The following GPR158 variants were observed in gnomAD, a reference collection of about 807,000 sequenced individuals.
GPR158 encodes the protein metabotropic glycine receptor.
A neutral mutation model predicts 78.2 loss-of-function variants in GPR158; 30 were observed. The observed-to-expected ratio is 0.38, with a 90% CI of 0.29 to 0.52. The LOEUF is 0.52. Among genes scored for constraint, GPR158 ranks in the 20% least tolerant of loss-of-function variants. The probability of loss-of-function intolerance (pLI) is 0.83; values close to 1 mark genes in which losing one functional copy is unlikely to be tolerated. For missense variants in GPR158, 1,463 were observed against 1,523.5 expected, an observed-to-expected ratio of 0.96 and a Z score of 0.66; for synonymous variants, 581 against 591.1, an observed-to-expected ratio of 0.98 and a Z score of 0.25.
chr10:25,586,885 G>A (rs909581053), intron 7 of GPR158, among the ~76,000 whole-genome samples: 3 of 152,172 alleles, frequency 2.0e-5, no homozygotes, highest in African/African-American at 4.8e-5. Flanking sequence ...CAGGGTTTCG[G>A]TCTAGGTCCT....
chr10:25,260,683 C>G (rs1403191532), intron 2 of GPR158, among the ~76,000 whole-genome samples: 1 of 152,010 alleles, frequency 6.6e-6, no homozygotes, highest in Admixed American at 6.6e-5. Context: ...CATCTCTAAT[C>G]TCACCTCCTA....
intron 2 of GPR158, among the ~76,000 whole-genome samples, chr10:25,350,607 G>A (rs186465683): frequency 1.3e-5 from 2 of 152,124 alleles, no homozygotes; most frequent in Non-Finnish European, 2.9e-5. Context: ...CAAGATAAGG[G>A]TATTGAAATT....
chr10:25,554,347 G>A (rs901706194), intron 6 of GPR158, among the ~76,000 whole-genome samples: 2 of 152,114 alleles, frequency 1.3e-5, no homozygotes, highest in South Asian at 2.1e-4. Flanking sequence ...GATAGGACAC[G>A]CAATAAAGAT....
intron 2 of GPR158, among the ~76,000 whole-genome samples, chr10:25,347,643 A>T (rs1855391326): frequency 6.6e-6 from 1 of 151,982 alleles, no homozygotes; most frequent in African/African-American, 2.4e-5. Context: ...ATTGGAAGAT[A>T]CTCTTTGTAG....
Position 25,599,870 on chromosome 10 carries a change from C to T in GPR158, c.*596C>T, listed in dbSNP as rs909328259. ...CAAATAACTTTGGTATTATGTGACACAACACATTTATGCAATCTGCAGCTA... is the reference window on the plus strand; with the variant it reads ...CAAATAACTTTGGTATTATGTGACATAACACATTTATGCAATCTGCAGCTA... On this transcript the variant is annotated 3_prime_UTR_variant, in exon 11 of 11. Transcript: ENST00000376351. The T allele has an allele frequency of 6.5e-6, 1 of 152,900 alleles. No individual in the cohort carries two copies. The highest frequency in any genetic ancestry group is 2.4e-5 in the African/African-American group (1 of 41,460). The allele number at this position is 152,900 out of a possible 1,614,324, so 9.5% of individuals were successfully genotyped here.
At chr10:25,238,269 CTG>C (rs1853554850) in intron 2 of GPR158, among the ~76,000 whole-genome samples, 3 of 152,192 alleles carry the variant, frequency 2.0e-5, no homozygotes, top group Non-Finnish European at 4.4e-5. Flanking sequence ...GTAGATGAAA[CTG>C]TGTTTTCTCA....
At chr10:25,575,447 G>C (rs1837078876) in intron 7 of GPR158, among the ~76,000 whole-genome samples, 1 of 152,132 alleles carries the variant, frequency 6.6e-6, no homozygotes, top group South Asian at 2.1e-4. Flanking sequence ...AGAACCCGCA[G>C]CAGCGGCATC....
intron 2 of GPR158, among the ~76,000 whole-genome samples, chr10:25,312,922 T>G (rs933944865): frequency 1.3e-5 from 2 of 152,034 alleles, no homozygotes; most frequent in African/African-American, 4.8e-5. Context: ...GCATTATCAG[T>G]AAAAGTATCA....
At chr10:25,525,094 C>T (rs1030943782) in intron 5 of GPR158, among the ~76,000 whole-genome samples, 1 of 152,028 alleles carries the variant, frequency 6.6e-6, no homozygotes, top group Non-Finnish European at 1.5e-5. Context: ...ACAAGGATGG[C>T]TGTAATAAAA....
rs1269081510 is a variant in GPR158 at position 25,530,670 on chromosome 10, TG to T, written c.1405-20305del. ...CAGAGACAAATTCTGCTTCAGGTCT[TG>T]CTTACATTAAGCAATCTTGATGTGA... On this transcript the variant is annotated intron_variant, in intron 5 of 10. Coordinates refer to ENST00000376351, the MANE Select transcript of GPR158 (RefSeq NM_020752.3). 2.6e-5 allele frequency among the ~76,000 whole-genome samples: 4 copies of T among 152,356 alleles called. No homozygotes were observed. In the East Asian group the frequency reaches 7.7e-4, roughly 29 times the overall value.
At chr10:25,193,491 G>C (rs1241015973) in intron 1 of GPR158, among the ~76,000 whole-genome samples, 3 of 152,198 alleles carry the variant, frequency 2.0e-5, no homozygotes, top group Non-Finnish European at 4.4e-5. Context: ...CAGAAAGAAA[G>C]CCAGTGTTGC....
At chr10:25,334,566 A>G (rs1221455612) in intron 2 of GPR158, among the ~76,000 whole-genome samples, 5 of 151,976 alleles carry the variant, frequency 3.3e-5, no homozygotes, top group Non-Finnish European at 7.4e-5. Context: ...ACACTATGCA[A>G]GCAGAGCTAG....
intron 2 of GPR158, among the ~76,000 whole-genome samples, chr10:25,376,692 G>C (rs898657667): frequency 6.6e-6 from 1 of 151,570 alleles, no homozygotes; most frequent in African/African-American, 2.4e-5. Flanking sequence ...CTGCTAAAAA[G>C]TTATTTCAGA....
intron 2 of GPR158, among the ~76,000 whole-genome samples, chr10:25,339,507 C>T (rs529457125): frequency 6.6e-6 from 1 of 151,954 alleles, no homozygotes; most frequent in East Asian, 1.9e-4. Flanking sequence ...GTTTTTCTTT[C>T]TGATTGCATT....
At chr10:25,512,766 T>G (rs1836102241) in intron 5 of GPR158, among the ~76,000 whole-genome samples, 1 of 151,882 alleles carries the variant, frequency 6.6e-6, no homozygotes, top group South Asian at 2.1e-4. Context: ...GTCAAATGCT[T>G]TTTCTATGTC....
intron 7 of GPR158, among the ~76,000 whole-genome samples, chr10:25,580,495 A>T (rs1020587974): frequency 1.3e-5 from 2 of 152,206 alleles, no homozygotes; most frequent in African/African-American, 4.8e-5. Context: ...TAAAATAGCA[A>T]TTGTTTTTAA....
chr10:25,388,516 GT>G (rs1834251601), intron 2 of GPR158, among the ~76,000 whole-genome samples: 1 of 152,270 alleles, frequency 6.6e-6, no homozygotes, highest in Non-Finnish European at 1.5e-5. Context: ...GAACATTGGA[GT>G]CATTTTTGTG....
chr10:25,454,130 T>C (rs993694288), intron 4 of GPR158, among the ~76,000 whole-genome samples: 2 of 152,100 alleles, frequency 1.3e-5, no homozygotes, highest in Admixed American at 6.6e-5. Flanking sequence ...AATATACAGC[T>C]CTTTCACCTC....
intron 5 of GPR158, among the ~76,000 whole-genome samples, chr10:25,549,562 A>G (rs922195354): frequency 6.6e-6 from 1 of 152,184 alleles, no homozygotes; most frequent in African/African-American, 2.4e-5. Flanking sequence ...TGGAAGACTA[A>G]GGACAAATTC....
Sources: gnomAD v4.1 joint callset for allele counts (sites outside exome capture counted in the v4.1 genomes callset) on GRCh38, gnomAD v4.1.1 for gene constraint, MANE v1.5 for transcripts, NCBI Gene and HGNC (gene_info 2026-07-23, HGNC 2026-07-21) for gene names.